Variants in ZNF875 observed in about 807,000 individuals in gnomAD.
The protein encoded by ZNF875 is HKR1, GLI-Kruppel zinc finger family member.
In ZNF875, 14 loss-of-function variants were observed where a neutral mutation model predicts 11.2. The ratio of observed to expected loss-of-function variants is 1.26; its 90% CI spans 0.83 to 1.96. The LOEUF (loss-of-function observed/expected upper bound fraction) is 1.96, where lower values mean the gene tolerates loss of function less well. Among genes scored for constraint, ZNF875 ranks in the 30% most tolerant of loss-of-function variants. The pLI is 0.00. For missense variants in ZNF875, 752 were observed against 760.4 expected (o/e 0.99, Z 0.13); for synonymous variants, 301 against 281.1 (o/e 1.07, Z -0.71).
At chr19:37,331,973 G>A (rs1326393095), upstream of ZNF875, among the ~76,000 whole-genome samples, 5 of 127,320 alleles carry the variant, frequency 3.9e-5, no homozygotes, top group Non-Finnish European at 8.7e-5. Flanking sequence ...CTGAGATAGG[G>A]AAAAACCGCC....
chr19:37,363,341 C>T lies in ZNF875; in HGVS notation c.1489C>T (p.Gln497Ter). 1 of 1,610,902 alleles carries T rather than the reference C, an allele frequency of 6.2e-7. No homozygotes were observed. Among genetic ancestry groups the T allele is most frequent in the South Asian group, 1.1e-5 (1 of 90,686 alleles). ...FTRKSTLSTH[Q>*]RTHSGEKPFV... ...CCGGAAATCAACCCTGAGCACGCAC[C>T]AGAGGACACACTCAGGGGAGAAGCC... The change falls in exon 5 of 5, where the codon CAG (glutamine) becomes TAG (stop). Residue 497 changes from glutamine to a stop codon, truncating the protein, a stop_gained. Transcript: ENST00000392153. LOFTEE classifies it low-confidence loss of function (END_TRUNC).
rs777783940 is a variant in ZNF875 at position 37,362,941 on chromosome 19, G to A, written c.1089G>A (p.Glu363=). Residue 363 remains glutamate, a synonymous_variant, in exon 5 of 5, where the codon GAG becomes GAA. Coordinates refer to ENST00000392153, the MANE Select transcript of ZNF875 (RefSeq NM_001353803.2). ...LITHQRAHTG[E]KPYVCRECGR... is the part of the protein sequence containing the mutation. Reference sequence around the variant, plus strand: ...CCCACCAGAGGGCGCACACTGGGGAGAAGCCTTATGTTTGCAGGGAATGTG... The same window carrying A: ...CCCACCAGAGGGCGCACACTGGGGAAAAGCCTTATGTTTGCAGGGAATGTG... The A allele has an allele frequency of 2.5e-6, 4 of 1,613,150 alleles. No individual in the cohort carries two copies. The highest frequency in any genetic ancestry group is 2.5e-6 in the Non-Finnish European group (3 of 1,179,804).
chr19:37,313,212 G>C (rs1311209500), upstream of ZNF875: 1 of 133,770 alleles, frequency 7.5e-6, no homozygotes, highest in East Asian at 2.2e-4. Context: ...CCCGCCCCCC[G>C]CGAAACAACA....
intron 2 of ZNF875, chr19:37,346,635 C>T (rs1185112269): frequency 6.4e-6 from 1 of 156,198 alleles, no homozygotes; most frequent in African/African-American, 2.4e-5. Flanking sequence ...CTTCTTCTCC[C>T]TGCCTAGTTT....
In ZNF875 at chr19:37,347,251, G is replaced by T. The variant is rs2036976504; in HGVS notation, c.95G>T (p.Ser32Ile). ...YFTQEEWRLL[S>I]PAQRTLHREV... ...ACCCAGGAGGAGTGGAGGTTGTTGA[G>T]CCCTGCTCAGAGGACCCTGCACAGG... Residue 32 changes from serine to isoleucine, a missense_variant, in exon 3 of 5, where the codon AGC becomes ATC. Physicochemically the swap from Ser to Ile is moderately radical, Grantham distance 142. Coordinates refer to ENST00000392153, the MANE Select transcript of ZNF875 (RefSeq NM_001353803.2). The T allele has an allele frequency of 1.2e-6, 2 of 1,614,036 alleles. No homozygotes were observed. Among genetic ancestry groups the T allele is most frequent in the Non-Finnish European group, 1.7e-6 (2 of 1,180,000 alleles).
chr19:37,359,947 C>T (rs1013075014), intron 4 of ZNF875, among the ~76,000 whole-genome samples: 2 of 152,026 alleles, frequency 1.3e-5, no homozygotes, highest in African/African-American at 4.8e-5. Context: ...GTTTAACTTA[C>T]CAATTTTTAA....
At chr19:37,326,663 G>GATTTTTTTT (rs1568566906) in intron 4 of ZNF875, among the ~76,000 whole-genome samples, 1 of 110,892 alleles carries the variant, frequency 9.0e-6, no homozygotes, top group African/African-American at 3.3e-5. Flanking sequence ...AAATTAGAAA[G>GATTTTTTTT]CTTTTTTTTT....
At chr19:37,354,103 G>T (rs2146463103) in intron 4 of ZNF875, among the ~76,000 whole-genome samples, 1 of 151,786 alleles carries the variant, frequency 6.6e-6, no homozygotes, top group East Asian at 1.9e-4. Flanking sequence ...TTTTTTGAGG[G>T]GTGGGTGGAT....
rs781597721 is a variant in ZNF875 at position 37,362,128 on chromosome 19, A to G, written c.276A>G (p.Gln92=). 2.5e-5 allele frequency: 41 copies of G among 1,612,288 alleles called. No individual in the cohort carries two copies. The highest frequency in any genetic ancestry group is 3.1e-5 in the Non-Finnish European group (37 of 1,179,234). The change falls in exon 5 of 5, where the codon CAA becomes CAG. Residue 92 remains glutamine (Q), a synonymous_variant. Coordinates refer to ENST00000392153, the MANE Select transcript of ZNF875 (RefSeq NM_001353803.2). ...DLCPESKPEI[Q]LSPSCPLIFS... ...CAGCAGAATCGAAGCCAGAAATTCA[A>G]CTTAGTCCCTCCTGCCCTCTGATTT...
chr19:37,318,207 G>A (rs2030423174), intron 1 of ZNF875: 1 of 152,956 alleles, frequency 6.5e-6, no homozygotes, highest in South Asian at 1.9e-4. Flanking sequence ...GACTTTTTCA[G>A]CCCACTCGGG....
chr19:37,323,719 G>C (rs1401458193), intron 3 of ZNF875: 1 of 152,182 alleles, frequency 6.6e-6, no homozygotes, highest in Non-Finnish European at 1.5e-5. Flanking sequence ...TGAGAAATCA[G>C]GGGAAAGTGC....
intron 2 of ZNF875, 97 bp from the exon 3 acceptor site, chr19:37,347,093 A>C (rs1446691637): frequency 6.5e-7 from 1 of 1,549,748 alleles, no homozygotes; most frequent in Non-Finnish European, 8.9e-7. Context: ...CTGGGATTAC[A>C]GGCATGAACC....
rs561266968 is a variant in ZNF875, at chr19:37,335,345, G to T, written c.33+88G>T. On this transcript the variant is annotated intron_variant, in intron 2 of 4. Transcript: ENST00000392153. ...TCCTGGAGGCTGCCTTGTTGGTATT[G>T]GGCAAAGTCATTCCTAGCCCTAGTC... 8 of 628,254 alleles carry T rather than the reference G, an allele frequency of 1.3e-5. 1 individual carries two copies. In the East Asian group the frequency reaches 2.2e-4, roughly 18 times the overall value. The allele number at this position is 628,254 out of a possible 1,614,324, so 38.9% of individuals were successfully genotyped here.
upstream of ZNF875, chr19:37,315,518 A>G (rs1395636856): frequency 2.0e-5 from 3 of 152,218 alleles, no homozygotes; most frequent in East Asian, 1.9e-4. Flanking sequence ...GCAGAGAATA[A>G]CAGTGCAAGA....
intron 2 of ZNF875, among the ~76,000 whole-genome samples, chr19:37,323,092 G>C (rs111268523): frequency 1.3e-5 from 2 of 151,460 alleles, no homozygotes; most frequent in Non-Finnish European, 2.9e-5. Context: ...GTGTGGAGCC[G>C]GGGGGATTTT....
At chr19:37,321,022 G>A (rs1489466339) in intron 1 of ZNF875, among the ~76,000 whole-genome samples, 2 of 152,186 alleles carry the variant, frequency 1.3e-5, no homozygotes, top group African/African-American at 4.8e-5. Flanking sequence ...AAGGCAGCAT[G>A]CTTGTTAAAA....
chr19:37,334,617 ACCCTT>A (rs1466886768), upstream of ZNF875: 1 of 451,994 alleles, frequency 2.2e-6, no homozygotes, highest in Non-Finnish European at 4.5e-6. Flanking sequence ...TCCCCTCCCT[ACCCTT>A]CAGTGTGTAG....
At chr19:37,328,262 G>C (rs751807720) in intron 4 of ZNF875, among the ~76,000 whole-genome samples, 7 of 152,044 alleles carry the variant, frequency 4.6e-5, no homozygotes, top group Non-Finnish European at 8.8e-5. Context: ...AAAGAGAAAG[G>C]GTGGAAAAGA....
chr19:37,319,651 C>T (rs1185145875), intron 1 of ZNF875, among the ~76,000 whole-genome samples: 1 of 152,090 alleles, frequency 6.6e-6, no homozygotes, highest in African/African-American at 2.4e-5. Context: ...GCATTAGCCA[C>T]TAATGTTTCT....
Sources: allele counts gnomAD v4.1 joint callset (sites outside exome capture counted in the v4.1 genomes callset), GRCh38; gene constraint gnomAD v4.1.1; transcripts MANE v1.5; gene names NCBI Gene and HGNC (gene_info 2026-07-23, HGNC 2026-07-21).